Variants in DDX54 observed in about 807,000 individuals in gnomAD.
DDX54 encodes ATP-dependent RNA helicase DDX54.
Under a neutral mutation model 105.5 loss-of-function variants are expected in DDX54, and 67 were observed. That is an observed-to-expected ratio of 0.64 (90% CI 0.52 to 0.78). The LOEUF is 0.78. Among genes scored for constraint, DDX54 ranks in the 30% least tolerant of loss-of-function variants. The pLI is 0.00. For missense variants in DDX54, 1,206 were observed against 1,230.5 expected (o/e 0.98, Z 0.30); for synonymous variants, 514 against 509.9 (o/e 1.01, Z -0.11).
intron 17 of DDX54, 43 bp downstream of exon 17, chr12:113,162,889 C>T (rs1033221771): frequency 2.6e-6 from 4 of 1,523,446 alleles, no homozygotes; most frequent in Non-Finnish European, 3.5e-6. Context: ...CTCACTCGGT[C>T]ACTCACCCCG....
chr12:113,178,838 C>T lies in DDX54; in HGVS notation c.614+139G>A, dbSNP rs190018569. 8.5e-5 allele frequency: 102 copies of T among 1,198,720 alleles called. 1 individual carries two copies. In the African/African-American group the frequency reaches 1.1e-3, roughly 13 times the overall value. The allele number at this position is 1,198,720 out of a possible 1,614,324, so 74.3% of individuals were successfully genotyped here. A position where few individuals can be genotyped will look rare whatever the true frequency, so the allele number is the denominator to read the frequency against. On this transcript the variant is annotated intron_variant, in intron 5 of 19. Coordinates refer to ENST00000306014, the MANE Select transcript of DDX54 (RefSeq NM_024072.4). ...GATTACAGGCATGAGCCACTGGGCC[C>T]GGCCTTGTTGGGTTTTTTGAATGAG...
intron 5 of DDX54, among the ~76,000 whole-genome samples, chr12:113,177,954 C>A (rs1952423895): frequency 6.6e-6 from 1 of 152,192 alleles, no homozygotes; most frequent in South Asian, 2.1e-4. Flanking sequence ...TAACAGCCCA[C>A]AGCCAGGCGT....
intron 12 of DDX54, among the ~76,000 whole-genome samples, chr12:113,167,316 G>A (rs931998881): frequency 2.0e-5 from 3 of 152,158 alleles, no homozygotes; most frequent in African/African-American, 4.8e-5. Flanking sequence ...GGTCAAGGGC[G>A]CAGTGAGCTG....
At chr12:113,175,248 G>C in intron 7 of DDX54, 91 bp from the exon 8 acceptor site, 1 of 1,482,828 alleles carries the variant, frequency 6.7e-7, no homozygotes, top group Non-Finnish European at 8.9e-7. Context: ...AACTTCTGCA[G>C]TGTCCCAGGG....
intron 19 of DDX54, among the ~76,000 whole-genome samples, chr12:113,159,559 C>T (rs972307160): frequency 1.3e-5 from 2 of 152,278 alleles, no homozygotes; most frequent in Admixed American, 6.5e-5. Context: ...ACCTACGGCA[C>T]GCCAGGCTCT....
chr12:113,158,067 G>T lies in DDX54; in HGVS notation c.*810C>A, dbSNP rs1037339979. ...CCCTCCACTATGGACTCTGCCAGGT[G>T]AGGGGCCCAGCCTGAGAATCCAGCT... On this transcript the variant is annotated 3_prime_UTR_variant, in exon 20 of 20. Coordinates refer to ENST00000306014, the MANE Select transcript of DDX54 (RefSeq NM_024072.4). This position sits in a 1 kb window ranked among gnomAD's most constrained non-coding sequence, Gnocchi z 4.9. 7 of 197,050 alleles carry T rather than the reference G, an allele frequency of 3.6e-5. No individual in the cohort carries two copies. The highest frequency in any genetic ancestry group is 3.2e-4 in the Admixed American group (6 of 18,828). The allele number at this position is 197,050 out of a possible 1,614,324, so 12.2% of individuals were successfully genotyped here.
chr12:113,184,269 A>G (rs1593011885), intron 1 of DDX54, among the ~76,000 whole-genome samples: 1 of 151,714 alleles, frequency 6.6e-6, no homozygotes, highest in African/African-American at 2.4e-5. Context: ...TTTTGTAGAG[A>G]CGGGGTCTGC....
At position 113,182,183 on chromosome 12, in the gene DDX54, A is replaced by C. The variant is rs184236770; in HGVS notation, c.175-1125T>G. 1.2e-3 allele frequency among the ~76,000 whole-genome samples: 186 copies of C among 152,288 alleles called. 1 individual carries two copies. The highest frequency in any genetic ancestry group is 4.4e-3 in the African/African-American group (181 of 41,562). On this transcript the variant is annotated intron_variant, in intron 1 of 19. Transcript: ENST00000306014. Reference sequence around the variant, plus strand: ...CAGAGAAGAAAACTGAGGCACAGAGATACAGTGACGTGCCCAAGGTCACAC... The same window carrying C: ...CAGAGAAGAAAACTGAGGCACAGAGCTACAGTGACGTGCCCAAGGTCACAC...
rs745657114 is a variant in DDX54 at position 113,157,377 on chromosome 12, AG to A, written c.*1499del. 3.6e-5 allele frequency: 21 copies of A among 580,964 alleles called. No homozygotes were observed. The highest frequency in any genetic ancestry group is 6.2e-5 in the Non-Finnish European group (20 of 324,716). The allele number at this position is 580,964 out of a possible 1,614,324, so 36.0% of individuals were successfully genotyped here. A position where few individuals can be genotyped will look rare whatever the true frequency, so the allele number is the denominator to read the frequency against. Reference sequence around the variant, plus strand: ...GGTGACAGCAGCGAGGAAGCTGTGAAGGTGTCTGCTCACGCAGCAGTTGGGA... The same window carrying A: ...GGTGACAGCAGCGAGGAAGCTGTGAAGTGTCTGCTCACGCAGCAGTTGGGA... On this transcript the variant is annotated 3_prime_UTR_variant, in exon 20 of 20. Coordinates refer to ENST00000306014, the MANE Select transcript of DDX54 (RefSeq NM_024072.4).
At chr12:113,167,099 C>A (rs2136317458) in intron 12 of DDX54, among the ~76,000 whole-genome samples, 1 of 152,178 alleles carries the variant, frequency 6.6e-6, no homozygotes, top group East Asian at 1.9e-4. Flanking sequence ...AACAGTAAGC[C>A]AAGCATGGTG....
chr12:113,176,951 C>T lies in DDX54; in HGVS notation c.657-16G>A, dbSNP rs779124998. 8.7e-6 allele frequency: 14 copies of T among 1,613,974 alleles called. No individual in the cohort carries two copies. Among genetic ancestry groups the T allele is most frequent in the East Asian group, 2.2e-5 (1 of 44,898 alleles). On this transcript the variant is annotated splice_polypyrimidine_tract_variant and intron_variant, in intron 6 of 19. Transcript: ENST00000306014. ...GGCAATAATTCTGGAAGAGGGTGCA[C>T]AGGCCAGGTGACCCCAGGGCCAGGG...
In DDX54 at chr12:113,164,773, G is replaced by A. The variant is rs193106759; in HGVS notation, c.1720-488C>T. ...AGGCCAGGCACCGTGGCTCACGCCT[G>A]TAATCTCAGCACTTTGGGAGGCTGA... On this transcript the variant is annotated intron_variant, in intron 14 of 19. Coordinates refer to ENST00000306014, the MANE Select transcript of DDX54 (RefSeq NM_024072.4). 2.4e-4 allele frequency among the ~76,000 whole-genome samples: 36 copies of A among 152,186 alleles called. No homozygotes were observed. The East Asian group carries it at 7.0e-3, about 29-fold the overall frequency.
rs765812398 is a variant in DDX54 at position 113,165,791 on chromosome 12, G to C, written c.1645+11C>G. The stretch of plus-strand genomic sequence containing the variant: ...CCCACCTGCCACCCCCTGCCTTGTA[G>C]AAGGACTCACTGAAGAGGGGGTGCA... On this transcript the variant is annotated intron_variant, in intron 13 of 19. Coordinates refer to ENST00000306014, the MANE Select transcript of DDX54 (RefSeq NM_024072.4). 1 of 1,600,892 alleles carries C rather than the reference G, an allele frequency of 6.2e-7. No homozygotes were observed. Among genetic ancestry groups the C allele is most frequent in the Non-Finnish European group, 8.5e-7 (1 of 1,171,042 alleles).
Position 113,158,997 on chromosome 12 carries a change from C to T in DDX54, c.2526G>A (p.Leu842=). The stretch of plus-strand genomic sequence containing the variant: ...AGAGCTGCTTGAGGCCACCACGCTG[C>T]AGGAAGTGCAGCTTCTGGGCCCGGC... ...QRRRAQKLHF[L]QRGGLKQLSA... The change falls in exon 20 of 20, where the codon CTG becomes CTA. Residue 842 remains leucine, a synonymous_variant. Coordinates refer to ENST00000306014, the MANE Select transcript of DDX54 (RefSeq NM_024072.4). This position sits in a 1 kb window ranked among gnomAD's most constrained non-coding sequence, Gnocchi z 4.9. The T allele has an allele frequency of 6.2e-7, 1 of 1,611,742 alleles. No homozygotes were observed. The highest frequency in any genetic ancestry group is 1.1e-5 in the South Asian group (1 of 90,718).
rs1952269779 is a variant in DDX54, at chr12:113,165,971, G to A, written c.1476C>T (p.Asp492=). The A allele has an allele frequency of 6.2e-7, 1 of 1,612,850 alleles. No homozygotes were observed. Among genetic ancestry groups the A allele is most frequent in the Non-Finnish European group, 8.5e-7 (1 of 1,180,018 alleles). ...CCTCCAGGGTGCTCTGCAGACCACT[G>A]TCCTCCTCGTCCACCACACTCTGTG... ...RVPQSVVDEE[D]SGLQSTLEAS... The change falls in exon 13 of 20, where the codon GAC becomes GAT. Residue 492 remains aspartate, a synonymous_variant. Coordinates refer to ENST00000306014, the MANE Select transcript of DDX54 (RefSeq NM_024072.4).
chr12:113,174,024 A>G (rs1952367935), intron 10 of DDX54, among the ~76,000 whole-genome samples: 1 of 152,104 alleles, frequency 6.6e-6, no homozygotes. Flanking sequence ...CTCCATGAGA[A>G]ATACAAAAAT....
At position 113,164,157 on chromosome 12, in the gene DDX54, C is replaced by T. The variant is rs1952244552; in HGVS notation, c.1848G>A (p.Glu616=). 1.3e-6 allele frequency: 2 copies of T among 1,554,728 alleles called. No homozygotes were observed. The highest frequency in any genetic ancestry group is 1.7e-6 in the Non-Finnish European group (2 of 1,150,174). ...GGCTCGGGGCTGGGCCCACTGGGCC[C>T]TCCTGCTGCTCCTGCCGCCCCTGCT... is the stretch of plus-strand genomic sequence containing the variant. The part of the protein sequence containing the change: ...QGQQGRQEQQ[E]GPVGPAPSRP... Residue 616 remains glutamate, a synonymous_variant, in exon 15 of 20, where the codon GAG becomes GAA. Coordinates refer to ENST00000306014, the MANE Select transcript of DDX54 (RefSeq NM_024072.4).
rs7956947 is a variant in DDX54, at chr12:113,177,994, T to C, written c.615-901A>G. On this transcript the variant is annotated intron_variant, in intron 5 of 19. Transcript: ENST00000306014. ...GCTTACGCCTGTAATCCCAACACTT[T>C]GGGAGGCCAAAGTAGCAGATCACTT... Among the ~76,000 whole-genome samples, 599 of 152,318 alleles carry C rather than the reference T, an allele frequency of 3.9e-3. 8 individuals carry two copies. Among genetic ancestry groups the C allele is most frequent in the African/African-American group, 0.014 (568 of 41,568 alleles).
intron 12 of DDX54, among the ~76,000 whole-genome samples, chr12:113,168,357 A>C (rs1952299751): frequency 6.6e-6 from 1 of 152,090 alleles, no homozygotes; most frequent in South Asian, 2.1e-4. Context: ...CAGCTCTCTG[A>C]GCTTGAGTCT....
Sources: allele counts gnomAD v4.1 joint callset (sites outside exome capture counted in the v4.1 genomes callset), GRCh38; gene constraint gnomAD v4.1.1; non-coding constraint Gnocchi (gnomAD v3.1); transcripts MANE v1.5; gene names NCBI Gene and HGNC (gene_info 2026-07-23, HGNC 2026-07-21).